PLB1: variants seen among roughly 807,000 people sequenced by gnomAD.
PLB1 encodes the protein phospholipase B1, also known as phospholipase B1, membrane-associated.
A neutral mutation model predicts 227.4 loss-of-function variants in PLB1; 242 were observed. The observed-to-expected ratio is 1.06, with a 90% CI of 0.96 to 1.18. PLB1 has a LOEUF of 1.18. Among genes scored for constraint, PLB1 ranks in the 50% most tolerant of loss-of-function variants. The pLI is 0.00. For synonymous variants in PLB1, 757 were observed against 682.2 expected (o/e 1.11, Z -1.71); for missense variants, 1,858 against 1,816.3 (o/e 1.02, Z -0.42).
chr2:28,633,353 C>T (rs978196719), intron 56 of PLB1: 2 of 345,316 alleles, frequency 5.8e-6, no homozygotes, highest in East Asian at 6.3e-5. Context: ...ACTTCTACCT[C>T]GTACTGTGTG....
chr2:28,623,742 C>T (rs573375062), intron 49 of PLB1, among the ~76,000 whole-genome samples: 9 of 152,308 alleles, frequency 5.9e-5, no homozygotes, highest in African/African-American at 2.2e-4. Flanking sequence ...TAACTTCTCA[C>T]AGACATTTCT....
intron 16 of PLB1, among the ~76,000 whole-genome samples, chr2:28,552,382 G>A (rs1674391950): frequency 6.6e-6 from 1 of 152,204 alleles, no homozygotes; most frequent in African/African-American, 2.4e-5. Context: ...AATATTTAGA[G>A]GCCTCTTAGG....
chr2:28,576,269 C>T (rs1331695772), intron 21 of PLB1, among the ~76,000 whole-genome samples: 1 of 152,184 alleles, frequency 6.6e-6, no homozygotes, highest in Non-Finnish European at 1.5e-5. Context: ...CCACATAGTC[C>T]AGCCTTGTGC....
chr2:28,542,003 G>A (rs1375860650), intron 13 of PLB1, among the ~76,000 whole-genome samples, 192 bp downstream of exon 13: 1 of 152,044 alleles, frequency 6.6e-6, no homozygotes, highest in Non-Finnish European at 1.5e-5. Flanking sequence ...CATGATGGTG[G>A]GCGCCTGTAA....
Position 28,629,203 on chromosome 2 carries a change from C to A in PLB1, c.3818+18C>A. 6.2e-7 allele frequency: 1 copy of A among 1,609,836 alleles called. No individual in the cohort carries two copies. The highest frequency in any genetic ancestry group is 8.5e-7 in the Non-Finnish European group (1 of 1,177,856). ...GCAGCTCAGTAAGTGGACAGGTCACCGTCCCAAGGCAAGGGCACCTGGGGT... is the reference window on the plus strand; with the variant it reads ...GCAGCTCAGTAAGTGGACAGGTCACAGTCCCAAGGCAAGGGCACCTGGGGT... On this transcript the variant is annotated intron_variant, in intron 53 of 57. Coordinates refer to ENST00000327757, the MANE Select transcript of PLB1 (RefSeq NM_153021.5).
At chr2:28,519,924 ATTAT>A (rs1553402653) in intron 4 of PLB1, among the ~76,000 whole-genome samples, 161 bp downstream of exon 4, 1 of 151,332 alleles carries the variant, frequency 6.6e-6, no homozygotes, top group African/African-American at 2.4e-5. Context: ...ATTTTATTTT[ATTAT>A]TTATTTATTT....
intron 57 of PLB1, among the ~76,000 whole-genome samples, chr2:28,641,883 T>G (rs1242580851): frequency 6.6e-6 from 1 of 152,088 alleles, no homozygotes; most frequent in African/African-American, 2.4e-5. Flanking sequence ...CTTGAAATCC[T>G]TGCCTGATCC....
rs565442462 is a variant in PLB1 at position 28,581,486 on chromosome 2, AAAATAAATAAATAAAT to A, written c.1567-546_1567-531del. Among the ~76,000 whole-genome samples, 252 of 111,176 alleles carry A rather than the reference AAAATAAATAAATAAAT, an allele frequency of 2.3e-3. 3 individuals carry two copies. Among genetic ancestry groups the A allele is most frequent in the Admixed American group, 3.7e-3 (40 of 10,952 alleles). 72.9% of individuals were successfully genotyped at this position (111,176 alleles called of 152,430 possible). On this transcript the variant is annotated intron_variant, in intron 23 of 57. Coordinates refer to ENST00000327757, the MANE Select transcript of PLB1 (RefSeq NM_153021.5). ...GAGTAGATCCAGAGCTCCACGCAAA[AAAATAAATAAATAAAT>A]AAATAAATAAATAAATAAATAAATA... is the stretch of plus-strand genomic sequence containing the variant.
At chr2:28,533,195 C>G (rs933908912) in intron 9 of PLB1, among the ~76,000 whole-genome samples, 5 of 152,206 alleles carry the variant, frequency 3.3e-5, no homozygotes, top group African/African-American at 1.2e-4. Context: ...ACTCCAGGCT[C>G]ACCGTCAGAA....
chr2:28,635,643 CTATTTCATCT>C lies in PLB1; in HGVS notation c.4098+2615_4098+2624del, dbSNP rs1397786723. ...ACTAGGAAGCAAAAAGCACCTTAAA[CTATTTCATCT>C]TATTTCATCTCCTGCCCCTCCTCTC... On this transcript the variant is annotated intron_variant, in intron 56 of 57. Coordinates refer to ENST00000327757, the MANE Select transcript of PLB1 (RefSeq NM_153021.5). 9.4e-5 allele frequency among the ~76,000 whole-genome samples: 12 copies of C among 127,558 alleles called. No homozygotes were observed. The East Asian group carries it at 1.7e-3, about 18-fold the overall frequency. The allele number at this position is 127,558 out of a possible 152,430, so 83.7% of individuals were successfully genotyped here.
Position 28,643,238 on chromosome 2 carries a change from T to C in PLB1, c.*177T>C, listed in dbSNP as rs1481114178. ...TCCAGGCCTATGCTCCTGGAATGGATACATTTAAATAAAGTCCAAAGCTAT... is the reference window on the plus strand; with the variant it reads ...TCCAGGCCTATGCTCCTGGAATGGACACATTTAAATAAAGTCCAAAGCTAT... On this transcript the variant is annotated 3_prime_UTR_variant, in exon 58 of 58. Transcript: ENST00000327757. The C allele has an allele frequency of 1.9e-6, 1 of 538,562 alleles. No individual in the cohort carries two copies. The highest frequency in any genetic ancestry group is 3.3e-6 in the Non-Finnish European group (1 of 307,226). The allele number at this position is 538,562 out of a possible 1,614,324, so 33.4% of individuals were successfully genotyped here.
chr2:28,559,163 G>A (rs1675631322), intron 17 of PLB1, among the ~76,000 whole-genome samples: 2 of 152,224 alleles, frequency 1.3e-5, no homozygotes, highest in African/African-American at 2.4e-5. Context: ...GTACTTGACT[G>A]CAGTCAATGG....
rs139879012 is a variant in PLB1 at position 28,552,973 on chromosome 2, G to A, written c.1129G>A (p.Asp377Asn). The change falls in exon 17 of 58, where the codon GAT becomes AAT. Residue 377 changes from aspartate to asparagine, a missense_variant. By Grantham distance (23) the Asp-to-Asn change is conservative. Coordinates refer to ENST00000327757, the MANE Select transcript of PLB1 (RefSeq NM_153021.5). ...CAGATGTCCTGACAAAGACCCCTCCGATACGGTTCCCACCTCAGGTACACA... is the reference window on the plus strand; with the variant it reads ...CAGATGTCCTGACAAAGACCCCTCCAATACGGTTCCCACCTCAGGTACACA... ...EIRCPDKDPS[D>N]TVPTSVHRLK... 202 of 1,613,740 alleles carry A rather than the reference G, an allele frequency of 1.3e-4. No homozygotes were observed. Among genetic ancestry groups the A allele is most frequent in the Non-Finnish European group, 1.6e-4 (187 of 1,179,816 alleles).
At chr2:28,588,116 C>G (rs1681225438) in intron 26 of PLB1, among the ~76,000 whole-genome samples, 1 of 152,164 alleles carries the variant, frequency 6.6e-6, no homozygotes, top group African/African-American at 2.4e-5. Context: ...CTCACTCTCC[C>G]TGGAGATGAT....
intron 18 of PLB1, among the ~76,000 whole-genome samples, chr2:28,564,274 A>G (rs1361217357): frequency 6.6e-6 from 1 of 152,168 alleles, no homozygotes; most frequent in African/African-American, 2.4e-5. Flanking sequence ...AAGCTGGGCA[A>G]GGTGAAGTGC....
chr2:28,497,341 T>A (rs1337659054), intron 1 of PLB1, among the ~76,000 whole-genome samples: 1 of 152,226 alleles, frequency 6.6e-6, no homozygotes, highest in Non-Finnish European at 1.5e-5. Context: ...GGCTACTTAT[T>A]CAGAGCTCGC....
At chr2:28,601,767 G>A (rs533405985) in intron 37 of PLB1, 132 bp from the exon 38 acceptor site, 2 of 765,844 alleles carry the variant, frequency 2.6e-6, no homozygotes, top group South Asian at 3.0e-5. Flanking sequence ...TTGACATGGT[G>A]AGCTGGCCAC....
At chr2:28,547,017 TG>T (rs763086856) in intron 14 of PLB1, among the ~76,000 whole-genome samples, 1 of 151,838 alleles carries the variant, frequency 6.6e-6, no homozygotes, top group Non-Finnish European at 1.5e-5. Context: ...CTGGGCAACA[TG>T]GCAAAAACCC....
chr2:28,613,608 C>T (rs1044782673), intron 43 of PLB1, among the ~76,000 whole-genome samples: 1 of 151,874 alleles, frequency 6.6e-6, no homozygotes, highest in African/African-American at 2.4e-5. Flanking sequence ...ACATACAGTT[C>T]AAAGGAGGCA....
Sources: allele counts gnomAD v4.1 joint callset (sites outside exome capture counted in the v4.1 genomes callset), GRCh38; gene constraint gnomAD v4.1.1; transcripts MANE v1.5; gene names NCBI Gene and HGNC (gene_info 2026-07-23, HGNC 2026-07-21).